ASXL3: variants seen among roughly 807,000 people sequenced by gnomAD.
ASXL3 encodes the protein putative Polycomb group protein ASXL3.
Under a neutral mutation model 170.6 loss-of-function variants are expected in ASXL3, and 34 were observed. The ratio of observed to expected loss-of-function variants is 0.20; its 90% confidence interval spans 0.15 to 0.27. The LOEUF (loss-of-function observed/expected upper bound fraction) is 0.27, where lower values mean the gene tolerates loss of function less well. Among genes scored for constraint, ASXL3 ranks in the 10% least tolerant of loss-of-function variants. The pLI, the probability that ASXL3 is intolerant of heterozygous loss-of-function variation, is 1.00. For missense variants in ASXL3, 2,592 were observed against 2,695.3 expected (o/e 0.96, Z 0.85); for synonymous variants, 1,002 against 989.1 (o/e 1.01, Z -0.24).
Position 33,744,940 on chromosome 18 carries a change from G to A in ASXL3, c.5092G>A (p.Gly1698Arg). The A allele has an allele frequency of 6.2e-7, 1 of 1,613,966 alleles. No homozygotes were observed. Among genetic ancestry groups the A allele is most frequent in the South Asian group, 1.1e-5 (1 of 91,084 alleles). The change falls in exon 12 of 12, where the codon GGA (glycine) becomes AGA (arginine). Residue 1698 changes from glycine to arginine, a missense_variant. This residue lies in a region of ASXL3 where 2,246 missense variants were observed against 2,219.6 expected (regional missense o/e 1.01). Coordinates refer to ENST00000269197, the MANE Select transcript of ASXL3 (RefSeq NM_030632.3). The part of the protein sequence containing the change: ...GPELPPPAAE[G>R]ASSVQQTQNM... The stretch of plus-strand genomic sequence containing the variant: ...TGAGCTGCCTCCTCCGGCTGCAGAG[G>A]GAGCCTCTAGTGTACAACAAACACA...
intron 8 of ASXL3, among the ~76,000 whole-genome samples, chr18:33,731,468 C>G (rs1219984739): frequency 1.3e-5 from 2 of 152,126 alleles, no homozygotes; most frequent in African/African-American, 4.8e-5. Flanking sequence ...GCTTTTATCT[C>G]TAACCATTCT....
At chr18:33,659,732 A>G (rs1181234259) in intron 4 of ASXL3, among the ~76,000 whole-genome samples, 1 of 152,178 alleles carries the variant, frequency 6.6e-6, no homozygotes, top group Non-Finnish European at 1.5e-5. Flanking sequence ...TAGGAAGCAT[A>G]GTTTATGTGA....
intron 8 of ASXL3, among the ~76,000 whole-genome samples, chr18:33,720,323 C>T (rs1190745323): frequency 2.0e-5 from 3 of 152,060 alleles, no homozygotes; most frequent in Non-Finnish European, 4.4e-5. Context: ...CACTTAAACA[C>T]AGCTGTTCAG....
intron 8 of ASXL3, among the ~76,000 whole-genome samples, chr18:33,731,041 C>T (rs1304845929): frequency 1.3e-5 from 2 of 152,132 alleles, no homozygotes; most frequent in African/African-American, 2.4e-5. Flanking sequence ...TTTGATTAGA[C>T]ATTATCCAGC....
chr18:33,690,661 A>G (rs1311785863), intron 8 of ASXL3, among the ~76,000 whole-genome samples: 1 of 152,138 alleles, frequency 6.6e-6, no homozygotes, highest in Admixed American at 6.5e-5. Context: ...CTGTCTTTCC[A>G]TAGATGTCTC....
intron 1 of ASXL3, among the ~76,000 whole-genome samples, chr18:33,587,507 A>G (rs2065044443): frequency 2.0e-5 from 3 of 152,238 alleles, no homozygotes; most frequent in Admixed American, 6.5e-5. Flanking sequence ...TGTATGGTGA[A>G]ATGTTTTTGT....
chr18:33,645,530 T>C (rs184879276), intron 3 of ASXL3, among the ~76,000 whole-genome samples: 1 of 152,122 alleles, frequency 6.6e-6, no homozygotes, highest in East Asian at 1.9e-4. Context: ...TTCAGATAAC[T>C]GAGTCTTAAT....
intron 8 of ASXL3, among the ~76,000 whole-genome samples, chr18:33,708,374 A>G (rs201999744): frequency 6.6e-6 from 1 of 152,360 alleles, no homozygotes; most frequent in East Asian, 1.9e-4. Flanking sequence ...AATAGCATGC[A>G]TATTGAATGT....
At chr18:33,592,690 T>A in intron 1 of ASXL3, among the ~76,000 whole-genome samples, 1 of 152,196 alleles carries the variant, frequency 6.6e-6, no homozygotes, top group Non-Finnish European at 1.5e-5. Flanking sequence ...TCAATCTTTA[T>A]AAGAAAAACA....
chr18:33,743,450 A>G lies in ASXL3; in HGVS notation c.3602A>G (p.His1201Arg). Reference sequence around the variant, plus strand: ...GAAACTGCCACTGACTTATCTGTGCATAGTTCTGATGAAAACATACCTGTG... The same window carrying G: ...GAAACTGCCACTGACTTATCTGTGCGTAGTTCTGATGAAAACATACCTGTG... ...LPETATDLSVHSSDENIPVSH... is the reference protein window; with the variant it reads ...LPETATDLSVRSSDENIPVSH... Residue 1201 changes from histidine (H) to arginine (R), a missense_variant, in exon 12 of 12, where the codon CAT becomes CGT. By Grantham distance (29) the His-to-Arg change is conservative (BLOSUM62 0). Transcript: ENST00000269197. The G allele has an allele frequency of 2.5e-6, 4 of 1,613,584 alleles. No individual in the cohort carries two copies. The highest frequency in any genetic ancestry group is 1.3e-5 in the African/African-American group (1 of 75,070).
chr18:33,687,936 A>G (rs1368232465), intron 8 of ASXL3, among the ~76,000 whole-genome samples: 1 of 152,188 alleles, frequency 6.6e-6, no homozygotes, highest in Admixed American at 6.5e-5. Context: ...TTATTATTGA[A>G]GGACCATTTC....
At chr18:33,583,128 G>A (rs2065007056) in intron 1 of ASXL3, among the ~76,000 whole-genome samples, 1 of 152,182 alleles carries the variant, frequency 6.6e-6, no homozygotes, top group East Asian at 1.9e-4. Context: ...TTTTGTCTTT[G>A]TATTTGGGAA....
chr18:33,635,113 TG>T (rs1331162750), intron 2 of ASXL3, among the ~76,000 whole-genome samples: 5 of 152,166 alleles, frequency 3.3e-5, no homozygotes, highest in Non-Finnish European at 7.4e-5. Flanking sequence ...CTGATTGGAA[TG>T]GGCTTTAGAA....
chr18:33,596,988 T>A (rs1337965274), intron 1 of ASXL3, among the ~76,000 whole-genome samples: 1 of 152,092 alleles, frequency 6.6e-6, no homozygotes, highest in African/African-American at 2.4e-5. Context: ...AATTTTTTTA[T>A]CTTTTTGTAG....
intron 8 of ASXL3, among the ~76,000 whole-genome samples, chr18:33,711,753 T>C (rs1431424025): frequency 6.6e-6 from 1 of 152,130 alleles, no homozygotes; most frequent in Non-Finnish European, 1.5e-5. Flanking sequence ...GGGGATCCCT[T>C]GCAGAGCCAG....
At chr18:33,677,701 A>G (rs1035401828) in intron 7 of ASXL3, among the ~76,000 whole-genome samples, 1 of 152,180 alleles carries the variant, frequency 6.6e-6, no homozygotes, top group Non-Finnish European at 1.5e-5. Context: ...CATAATTCCT[A>G]TAGTTCATTA....
At chr18:33,720,937 G>C (rs1459693544) in intron 8 of ASXL3, among the ~76,000 whole-genome samples, 110 of 152,082 alleles carry the variant, frequency 7.2e-4, no homozygotes, top group Non-Finnish European at 4.4e-5. Context: ...AAGCTTAAGG[G>C]AAATCCCATG....
At chr18:33,707,621 A>G (rs921206756) in intron 8 of ASXL3, among the ~76,000 whole-genome samples, 1 of 151,968 alleles carries the variant, frequency 6.6e-6, no homozygotes, top group Non-Finnish European at 1.5e-5. Flanking sequence ...TATTGTTTAT[A>G]ATAATTACAG....
rs564430863 is a variant in ASXL3, at chr18:33,719,558, C to G, written c.880-12410C>G. Reference sequence around the variant, plus strand: ...AGGTATCATTTTAGGGAGTCAAATCCTACTTTGCTGCTTACCTACTGCTAG... The same window carrying G: ...AGGTATCATTTTAGGGAGTCAAATCGTACTTTGCTGCTTACCTACTGCTAG... On this transcript the variant is annotated intron_variant, in intron 8 of 11. Coordinates refer to ENST00000269197, the MANE Select transcript of ASXL3 (RefSeq NM_030632.3). 2.6e-5 allele frequency among the ~76,000 whole-genome samples: 4 copies of G among 152,092 alleles called. No individual in the cohort carries two copies. In the East Asian group the frequency reaches 7.7e-4, roughly 29 times the overall value.
Sources: allele counts gnomAD v4.1 joint callset (sites outside exome capture counted in the v4.1 genomes callset), GRCh38; gene constraint gnomAD v4.1.1; regional missense constraint gnomAD v4.1.1; transcripts MANE v1.5; gene names NCBI Gene and HGNC (gene_info 2026-07-23, HGNC 2026-07-21).